The following GLIS3 variants were observed in gnomAD, a reference collection of about 807,000 sequenced individuals.
GLIS3 encodes the protein GLIS family zinc finger 3, also known as zinc finger protein GLIS3.
GLIS3 carries 53 observed loss-of-function variants against 78.6 expected under a neutral mutation model. That is an observed-to-expected ratio of 0.67 (90% CI 0.54 to 0.85). The LOEUF is 0.85. Among genes scored for constraint, GLIS3 ranks in the 40% least tolerant of loss-of-function variants. The pLI, the probability that GLIS3 is intolerant of heterozygous loss-of-function variation, is 0.00. For missense variants in GLIS3, 1,703 were observed against 1,231.1 expected (o/e 1.38, Z -5.74); for synonymous variants, 684 against 509.9 (o/e 1.34, Z -4.60).
chr9:4,183,002 A>G (rs1484700051), intron 2 of GLIS3, among the ~76,000 whole-genome samples: 2 of 152,202 alleles, frequency 1.3e-5, no homozygotes, highest in Non-Finnish European at 2.9e-5. Context: ...CCCTTTCTCA[A>G]TCGCAGTGAA....
chr9:4,275,603 T>TAAA (rs535182029), intron 2 of GLIS3, among the ~76,000 whole-genome samples: 1 of 139,390 alleles, frequency 7.2e-6, no homozygotes. Context: ...CTACAAAAAT[T>TAAA]AAAAAAAAAA....
At chr9:4,423,207 C>T in the GLIS3 span, among the ~76,000 whole-genome samples, 2 of 152,304 alleles carry the variant, frequency 1.3e-5, no homozygotes, top group South Asian at 2.1e-4. Context: ...CAGAGAACCT[C>T]CTCAGGTCTG....
intron 2 of GLIS3, among the ~76,000 whole-genome samples, chr9:4,211,976 A>T (rs1240645293): frequency 6.6e-6 from 1 of 152,236 alleles, no homozygotes; most frequent in Non-Finnish European, 1.5e-5. Flanking sequence ...AGGCAAATCC[A>T]TAGAGACAGA....
At chr9:4,053,537 C>T (rs1264921487) in intron 4 of GLIS3, among the ~76,000 whole-genome samples, 1 of 151,808 alleles carries the variant, frequency 6.6e-6, no homozygotes, top group East Asian at 1.9e-4. Context: ...CAGGACTGTT[C>T]CTGTCTTGTT....
At chr9:4,371,954 C>G in the GLIS3 span, among the ~76,000 whole-genome samples, 1 of 152,194 alleles carries the variant, frequency 6.6e-6, no homozygotes, top group Admixed American at 6.5e-5. Flanking sequence ...CTCACCCCTT[C>G]TCTGGCCATA....
chr9:4,130,477 A>G (rs1832893111), intron 2 of GLIS3, among the ~76,000 whole-genome samples: 1 of 152,228 alleles, frequency 6.6e-6, no homozygotes, highest in African/African-American at 2.4e-5. Flanking sequence ...CACAGCCTCC[A>G]AACACTGCTC....
chr9:3,933,247 C>G (rs1156843606), intron 5 of GLIS3, among the ~76,000 whole-genome samples: 1 of 152,030 alleles, frequency 6.6e-6, no homozygotes, highest in African/African-American at 2.4e-5. Context: ...GCAATCTCGG[C>G]TCACTGCAAC....
At chr9:4,105,710 C>T (rs972416153) in intron 4 of GLIS3, among the ~76,000 whole-genome samples, 1 of 152,096 alleles carries the variant, frequency 6.6e-6, no homozygotes, top group African/African-American at 2.4e-5. Flanking sequence ...GATTTACTAT[C>T]TCAATAGAGT....
chr9:4,131,396 C>G (rs1832960641), intron 2 of GLIS3, among the ~76,000 whole-genome samples: 1 of 152,166 alleles, frequency 6.6e-6, no homozygotes. Flanking sequence ...CCACCCAAAT[C>G]TCATGTTCAA....
intron 4 of GLIS3, among the ~76,000 whole-genome samples, chr9:4,088,176 A>T (rs2130736327): frequency 6.6e-6 from 1 of 152,354 alleles, no homozygotes; most frequent in East Asian, 1.9e-4. Flanking sequence ...AGGAGATGAA[A>T]AAAGAGAGAT....
chr9:3,999,546 A>G (rs939731795), intron 4 of GLIS3, among the ~76,000 whole-genome samples: 1 of 152,190 alleles, frequency 6.6e-6, no homozygotes, highest in Admixed American at 6.5e-5. Flanking sequence ...GGAAATACTA[A>G]CAAAAATTGT....
intron 9 of GLIS3, among the ~76,000 whole-genome samples, chr9:3,844,391 C>A (rs1378324): frequency 6.6e-6 from 1 of 151,928 alleles, no homozygotes; most frequent in Non-Finnish European, 1.5e-5. Flanking sequence ...AACAGAGGAA[C>A]GCCTAGAATA....
chr9:3,923,732 C>G (rs917875853), intron 6 of GLIS3, among the ~76,000 whole-genome samples: 4 of 152,182 alleles, frequency 2.6e-5, no homozygotes, highest in African/African-American at 9.7e-5. Flanking sequence ...CTAAATGTGT[C>G]TCCCATACTA....
intron 6 of GLIS3, among the ~76,000 whole-genome samples, chr9:3,930,671 G>A (rs909637487): frequency 6.6e-6 from 1 of 152,134 alleles, no homozygotes; most frequent in African/African-American, 2.4e-5. Flanking sequence ...TGTCTAGATA[G>A]GGGACCGATA....
At chr9:4,297,180 G>T (rs1816607616) in intron 1 of GLIS3, among the ~76,000 whole-genome samples, 1 of 152,120 alleles carries the variant, frequency 6.6e-6, no homozygotes, top group Non-Finnish European at 1.5e-5. Context: ...GACAGAGGGT[G>T]AAACAGAAGT....
At chr9:4,259,510 T>G (rs531313504) in intron 2 of GLIS3, among the ~76,000 whole-genome samples, 1 of 152,296 alleles carries the variant, frequency 6.6e-6, no homozygotes, top group East Asian at 1.9e-4. Context: ...TATATTCTTA[T>G]TTTATTTACC....
chr9:3,882,093 T>C lies in GLIS3; in HGVS notation c.2129-2498A>G, dbSNP rs1456959646. Among the ~76,000 whole-genome samples, 3 of 152,268 alleles carry C rather than the reference T, an allele frequency of 2.0e-5. No individual in the cohort carries two copies. The East Asian group carries it at 5.8e-4, about 29-fold the overall frequency. On this transcript the variant is annotated intron_variant, in intron 7 of 10. Coordinates refer to ENST00000381971, the MANE Select transcript of GLIS3 (RefSeq NM_001042413.2). ...CGGGCAATTATTCCACAAATATGTA[T>C]AGGGTACCTATCATTTGGCAGACAT...
intron 9 of GLIS3, among the ~76,000 whole-genome samples, chr9:3,843,174 C>G (rs1446738544): frequency 6.6e-6 from 1 of 152,224 alleles, no homozygotes; most frequent in Non-Finnish European, 1.5e-5. Flanking sequence ...TGTAACCAAA[C>G]TCCCACATTA....
chr9:4,430,426 G>T, the GLIS3 span, among the ~76,000 whole-genome samples: 1 of 152,238 alleles, frequency 6.6e-6, no homozygotes, highest in African/African-American at 2.4e-5. Flanking sequence ...TAGGAGATCA[G>T]CAGAGAAGCT....
Sources: gnomAD v4.1 joint callset for allele counts (sites outside exome capture counted in the v4.1 genomes callset) on GRCh38, gnomAD v4.1.1 for gene constraint, MANE v1.5 for transcripts, NCBI Gene and HGNC (gene_info 2026-07-23, HGNC 2026-07-21) for gene names.